The following CTTNBP2 variants were observed in gnomAD, a reference collection of about 807,000 sequenced individuals.
The protein encoded by CTTNBP2 is cortactin-binding protein 2.
CTTNBP2 carries 108 observed loss-of-function variants against 156.9 expected under a neutral mutation model. The ratio of observed to expected loss-of-function variants is 0.69; its 90% CI spans 0.59 to 0.81. The LOEUF is 0.81. Ranked by LOEUF, CTTNBP2 falls within the 30% of genes least tolerant of loss-of-function variation. The pLI is 0.00. For synonymous variants in CTTNBP2, 767 were observed against 751.8 expected (o/e 1.02, Z -0.33); for missense variants, 1,924 against 2,035.4 (o/e 0.95, Z 1.05).
At position 117,763,716 on chromosome 7, in the gene CTTNBP2, C is replaced by T. The variant is rs564001058; in HGVS notation, c.2897-3006G>A. Among the ~76,000 whole-genome samples the T allele has an allele frequency of 2.8e-4, 43 of 151,750 alleles. No individual in the cohort carries two copies. In the South Asian group the frequency reaches 7.8e-3, roughly 27 times the overall value. ...CAGACAACAGTTGGGACTACAGGCA[C>T]GTGTCACCATGCCTGGCAATTTATT... On this transcript the variant is annotated intron_variant, in intron 9 of 22. Coordinates refer to ENST00000160373, the MANE Select transcript of CTTNBP2 (RefSeq NM_033427.3).
intron 20 of CTTNBP2, among the ~76,000 whole-genome samples, chr7:117,720,017 A>G (rs1794693289): frequency 6.6e-6 from 1 of 152,210 alleles, no homozygotes; most frequent in Admixed American, 6.5e-5. Flanking sequence ...CAATATGACC[A>G]TGCACCAGGT....
chr7:117,819,385 A>T (rs1291726092), intron 2 of CTTNBP2, among the ~76,000 whole-genome samples: 1,806 of 148,586 alleles, frequency 0.012, 67 homozygotes, highest in African/African-American at 0.042. Flanking sequence ...ACACACACAC[A>T]CACACACACA....
In CTTNBP2 at chr7:117,843,450, A is replaced by G. The variant is rs781591040; in HGVS notation, c.189+17759T>C. Among the ~76,000 whole-genome samples the G allele has an allele frequency of 3.9e-5, 6 of 152,232 alleles. No individual in the cohort carries two copies. The East Asian group carries it at 5.8e-4, about 15-fold the overall frequency. On this transcript the variant is annotated intron_variant, in intron 2 of 22. Coordinates refer to ENST00000160373, the MANE Select transcript of CTTNBP2 (RefSeq NM_033427.3). ...GATGACATTTCAGCAAACATCTAAA[A>G]CAGTGAGGGAAGGAGCTACAGGTCC...
intron 1 of CTTNBP2, among the ~76,000 whole-genome samples, chr7:117,864,778 A>G (rs1804037073): frequency 7.2e-6 from 1 of 138,966 alleles, no homozygotes; most frequent in African/African-American, 2.7e-5. Context: ...CATTCAATAT[A>G]TATTCATATA....
chr7:117,820,940 G>A (rs1279731581), intron 2 of CTTNBP2, among the ~76,000 whole-genome samples: 2 of 152,058 alleles, frequency 1.3e-5, no homozygotes, highest in East Asian at 3.8e-4. Flanking sequence ...TTTGTCTTCA[G>A]CATAAAAGCT....
chr7:117,767,446 CT>C, intron 8 of CTTNBP2, among the ~76,000 whole-genome samples: 1 of 152,254 alleles, frequency 6.6e-6, no homozygotes, highest in African/African-American at 2.4e-5. Context: ...AAAAAAATAG[CT>C]TGTTAATCAC....
intron 22 of CTTNBP2, among the ~76,000 whole-genome samples, chr7:117,717,465 C>T (rs563300761): frequency 6.6e-6 from 1 of 151,774 alleles, no homozygotes; most frequent in South Asian, 2.1e-4. Context: ...CCCGCATCCA[C>T]AATTTTGTTT....
intron 10 of CTTNBP2, 54 bp downstream of exon 10, chr7:117,760,381 A>G: frequency 6.4e-7 from 1 of 1,554,932 alleles, no homozygotes; most frequent in Non-Finnish European, 8.8e-7. Flanking sequence ...GAAACCCACA[A>G]ACATAAATAA....
intron 14 of CTTNBP2, among the ~76,000 whole-genome samples, chr7:117,737,824 C>T (rs1795789768): frequency 6.6e-6 from 1 of 152,160 alleles, no homozygotes; most frequent in Non-Finnish European, 1.5e-5. Flanking sequence ...GTGATCCACC[C>T]ACCTCACCCT....
intron 12 of CTTNBP2, among the ~76,000 whole-genome samples, chr7:117,748,937 AG>A (rs1362808598): frequency 1.3e-5 from 2 of 152,196 alleles, no homozygotes; most frequent in Non-Finnish European, 2.9e-5. Flanking sequence ...CCACCACTTG[AG>A]GATTGAATGA....
intron 1 of CTTNBP2, among the ~76,000 whole-genome samples, chr7:117,872,992 C>T (rs1804729534): frequency 6.6e-6 from 1 of 152,190 alleles, no homozygotes; most frequent in Non-Finnish European, 1.5e-5. Flanking sequence ...GAAACACGTC[C>T]CAGCCTTCTC....
intron 14 of CTTNBP2, among the ~76,000 whole-genome samples, chr7:117,743,203 C>T (rs1796110590): frequency 6.6e-6 from 1 of 152,224 alleles, no homozygotes; most frequent in Non-Finnish European, 1.5e-5. Flanking sequence ...GTTTTCTTAG[C>T]TCTCTAAGCT....
intron 8 of CTTNBP2, among the ~76,000 whole-genome samples, chr7:117,768,108 CA>C (rs1562987400): frequency 6.6e-6 from 1 of 152,004 alleles, no homozygotes; most frequent in South Asian, 2.1e-4. Context: ...CACACACACA[CA>C]CACACACCCA....
intron 16 of CTTNBP2, 131 bp from the exon 17 acceptor site, chr7:117,728,398 A>G: frequency 1.5e-6 from 1 of 678,726 alleles, no homozygotes; most frequent in Non-Finnish European, 2.5e-6. Context: ...TTTACTTGGG[A>G]TGGCTGAAGG....
intron 16 of CTTNBP2, among the ~76,000 whole-genome samples, chr7:117,729,947 G>A (rs770044098): frequency 1.3e-5 from 2 of 152,182 alleles, no homozygotes; most frequent in Non-Finnish European, 2.9e-5. Flanking sequence ...GGAAGGAACT[G>A]TGGAGGAGCG....
At chr7:117,717,500 C>T (rs1794486366) in intron 22 of CTTNBP2, among the ~76,000 whole-genome samples, 1 of 152,060 alleles carries the variant, frequency 6.6e-6, no homozygotes, top group Non-Finnish European at 1.5e-5. Context: ...ATACACAATT[C>T]ATAAATTTGC....
intron 2 of CTTNBP2, among the ~76,000 whole-genome samples, chr7:117,811,254 C>T (rs1800260206): frequency 6.6e-6 from 1 of 151,994 alleles, no homozygotes; most frequent in Non-Finnish European, 1.5e-5. Flanking sequence ...CCTATGGTGC[C>T]CTACTCCTCA....
At chr7:117,868,714 A>C (rs1242425631) in intron 1 of CTTNBP2, among the ~76,000 whole-genome samples, 1 of 152,236 alleles carries the variant, frequency 6.6e-6, no homozygotes, top group Non-Finnish European at 1.5e-5. Context: ...TAAGCTTTGC[A>C]AAGGAGCACC....
At chr7:117,820,908 A>G (rs1475581323) in intron 2 of CTTNBP2, among the ~76,000 whole-genome samples, 1 of 152,118 alleles carries the variant, frequency 6.6e-6, no homozygotes, top group African/African-American at 2.4e-5. Context: ...AAGTCATTTT[A>G]TATTCTCTCA....
Sources: gnomAD v4.1 joint callset for allele counts (sites outside exome capture counted in the v4.1 genomes callset) on GRCh38, gnomAD v4.1.1 for gene constraint, MANE v1.5 for transcripts, NCBI Gene and HGNC (gene_info 2026-07-23, HGNC 2026-07-21) for gene names.